Variants in PCDHGB6 observed in about 807,000 individuals in gnomAD.
The protein encoded by PCDHGB6 is protocadherin gamma subfamily B, 6, also known as protocadherin gamma-B6.
PCDHGB6 carries 51 observed loss-of-function variants against 59.1 expected under a neutral mutation model. The ratio of observed to expected loss-of-function variants is 0.86; its 90% CI spans 0.69 to 1.09. PCDHGB6 has a LOEUF of 1.09. PCDHGB6 is among the 50% of genes least tolerant of loss of function. PCDHGB6 has a pLI of 0.00. For missense variants in PCDHGB6, 1,148 were observed against 1,205.1 expected (o/e 0.95, Z 0.70); for synonymous variants, 466 against 495.1 (o/e 0.94, Z 0.78).
chr5:141,483,833 G>A (rs964111814), intron 1 of PCDHGB6, among the ~76,000 whole-genome samples: 1 of 152,116 alleles, frequency 6.6e-6, no homozygotes, highest in Admixed American at 6.5e-5. Flanking sequence ...CCTAGGTAAG[G>A]ACTTGGTTGA....
At chr5:141,426,448 C>T (rs1289310586) in intron 1 of PCDHGB6, 4 of 307,946 alleles carry the variant, frequency 1.3e-5, no homozygotes, top group Middle Eastern at 1.2e-3. Context: ...GGAGGACATG[C>T]GGCTGCATGT....
chr5:141,418,987 A>AG (rs781016682), intron 1 of PCDHGB6: 1 of 1,613,974 alleles, frequency 6.2e-7, no homozygotes, highest in South Asian at 1.1e-5. Context: ...ACCAAGACTC[A>AG]GGGGAAAATG....
At position 141,410,054 on chromosome 5, in the gene PCDHGB6, A is replaced by C; in HGVS notation, c.1852A>C (p.Ser618Arg). ...GCAGGCCAGTGAGCCCGGACTCTTC[A>C]GCCTGGGGCTGCGCACTGGGGAGGT... ...VLQASEPGLFSLGLRTGEVRT... is the reference protein window; with the variant it reads ...VLQASEPGLFRLGLRTGEVRT... Residue 618 changes from serine (S) to arginine (R), a missense_variant, in exon 1 of 4, where the codon AGC (serine) becomes CGC (arginine). Physicochemically the swap from Ser to Arg is moderately radical, Grantham distance 110 (BLOSUM62 -1). Transcript: ENST00000520790. 1 of 1,613,064 alleles carries C rather than the reference A, an allele frequency of 6.2e-7. No individual in the cohort carries two copies.
At chr5:141,417,710 TC>T (rs1471403767) in intron 1 of PCDHGB6, 1 of 1,249,228 alleles carries the variant, frequency 8.0e-7, no homozygotes, top group Non-Finnish European at 1.1e-6. Flanking sequence ...ACACAGAGGC[TC>T]CCGGCTGCGC....
intron 1 of PCDHGB6, among the ~76,000 whole-genome samples, chr5:141,449,345 T>C (rs2154562594): frequency 1.3e-5 from 2 of 151,644 alleles, no homozygotes; most frequent in South Asian, 4.2e-4. Context: ...AGTGGCTCAC[T>C]CCTGTAATCC....
chr5:141,478,347 C>T, intron 1 of PCDHGB6: 2 of 1,613,802 alleles, frequency 1.2e-6, no homozygotes, highest in Non-Finnish European at 1.7e-6. Context: ...TCCTTGCACG[C>T]GGACGCCGTG....
In PCDHGB6 at chr5:141,431,320, C is replaced by A. The variant is rs993831541; in HGVS notation, c.2418+20700C>A. ...CCCTCATCGTGCAAAATGGAGCCGA[C>A]GGTAGTAAGTACCCCGAATTGGTGC... On this transcript the variant is annotated intron_variant, in intron 1 of 3. Transcript: ENST00000520790. This position sits in a 1 kb window ranked among gnomAD's most constrained non-coding sequence, Gnocchi z 4.8. 1 of 1,614,102 alleles carries A rather than the reference C, an allele frequency of 6.2e-7. No individual in the cohort carries two copies. The highest frequency in any genetic ancestry group is 1.7e-5 in the Admixed American group (1 of 60,032).
chr5:141,491,723 G>C lies in PCDHGB6; in HGVS notation c.2419-3084G>C. The C allele has an allele frequency of 1.2e-6, 2 of 1,606,770 alleles. No homozygotes were observed. The highest frequency in any genetic ancestry group is 1.7e-6 in the Non-Finnish European group (2 of 1,177,028). On this transcript the variant is annotated intron_variant, in intron 1 of 3. Transcript: ENST00000520790. The surrounding 1 kb of genome is among the most constrained non-coding windows in gnomAD (Gnocchi z 6.9). The stretch of plus-strand genomic sequence containing the variant: ...CAGGTGAGGGGCTCGGCGCCGCCCC[G>C]GGCGACCCCTGGGGGCGGCACTGGA...
chr5:141,457,168 C>T (rs10072917), intron 1 of PCDHGB6, among the ~76,000 whole-genome samples: 42,426 of 152,004 alleles, frequency 0.28, 6,644 homozygotes, highest in African/African-American at 0.43. Context: ...ATGGATAACC[C>T]TATTGCAAAT....
rs752088903 is a variant in PCDHGB6, at chr5:141,490,784, G to A, written c.2419-4023G>A. The A allele has an allele frequency of 1.7e-5, 27 of 1,613,906 alleles. No individual in the cohort carries two copies. The highest frequency in any genetic ancestry group is 1.2e-4 in the African/African-American group (9 of 74,922). The stretch of plus-strand genomic sequence containing the variant: ...GTGTATGTCAACCCAGAGGATGGAC[G>A]GATCTTTGCCCAGCGTACCTTTGAC... On this transcript the variant is annotated intron_variant, in intron 1 of 3. Transcript: ENST00000520790. This position sits in a 1 kb window ranked among gnomAD's most constrained non-coding sequence, Gnocchi z 5.4.
At chr5:141,414,622 C>T in intron 1 of PCDHGB6, 1 of 1,613,956 alleles carries the variant, frequency 6.2e-7, no homozygotes. Context: ...AGCGCTGGAC[C>T]CGGACAGCAA....
At chr5:141,448,394 T>C (rs1360417681) in intron 1 of PCDHGB6, among the ~76,000 whole-genome samples, 1 of 152,206 alleles carries the variant, frequency 6.6e-6, no homozygotes. Context: ...TACATTTACA[T>C]GGTTTTAAAA....
chr5:141,465,251 A>T (rs1436627558), intron 1 of PCDHGB6, among the ~76,000 whole-genome samples: 1 of 152,214 alleles, frequency 6.6e-6, no homozygotes, highest in Non-Finnish European at 1.5e-5. Flanking sequence ...GCACTTTTGT[A>T]AGCAATGATA....
intron 2 of PCDHGB6, among the ~76,000 whole-genome samples, chr5:141,502,866 C>CTTTTTCTT (rs2099816520): frequency 1.6e-5 from 2 of 128,030 alleles, no homozygotes; most frequent in African/African-American, 6.2e-5. Flanking sequence ...GACTCTCTGT[C>CTTTTTCTT]TTTTTTTTTT....
rs967535805 is a variant in PCDHGB6 at position 141,490,206 on chromosome 5, C to T, written c.2419-4601C>T. 2.4e-5 allele frequency: 38 copies of T among 1,614,050 alleles called. No homozygotes were observed. In the Admixed American group the frequency reaches 5.0e-4, roughly 21 times the overall value. ...GTTTCTATGAAATTCATGCAAGAGCCCGTGACCAGGGACAGCCTGCCATGG... is the reference window on the plus strand; with the variant it reads ...GTTTCTATGAAATTCATGCAAGAGCTCGTGACCAGGGACAGCCTGCCATGG... On this transcript the variant is annotated intron_variant, in intron 1 of 3. Coordinates refer to ENST00000520790, the MANE Select transcript of PCDHGB6 (RefSeq NM_018926.3). This position sits in a 1 kb window ranked among gnomAD's most constrained non-coding sequence, Gnocchi z 5.4.
At chr5:141,445,294 T>G (rs1012635904) in intron 1 of PCDHGB6, among the ~76,000 whole-genome samples, 2 of 152,238 alleles carry the variant, frequency 1.3e-5, no homozygotes. Flanking sequence ...CAGGCTTCCA[T>G]TCTCTTCAGT....
At chr5:141,419,151 C>A in intron 1 of PCDHGB6, 1 of 1,613,918 alleles carries the variant, frequency 6.2e-7, no homozygotes. Context: ...GGCAAGCCTC[C>A]GTTATCCTCC....
At position 141,430,830 on chromosome 5, in the gene PCDHGB6, G is replaced by A. The variant is rs754181300; in HGVS notation, c.2418+20210G>A. The stretch of plus-strand genomic sequence containing the variant: ...CTGGGAATCCTCCTGGGGACTCTGT[G>A]GGAGACCGGATGCACCCAGATACGC... On this transcript the variant is annotated intron_variant, in intron 1 of 3. Coordinates refer to ENST00000520790, the MANE Select transcript of PCDHGB6 (RefSeq NM_018926.3). 8 of 1,554,850 alleles carry A rather than the reference G, an allele frequency of 5.1e-6. No homozygotes were observed. The East Asian group carries it at 1.6e-4, about 31-fold the overall frequency.
intron 1 of PCDHGB6, among the ~76,000 whole-genome samples, chr5:141,453,492 G>T (rs1046043468): frequency 6.6e-6 from 1 of 152,000 alleles, no homozygotes; most frequent in Non-Finnish European, 1.5e-5. Flanking sequence ...AAAAAAAGGT[G>T]TACTCAGAAA....
Sources: gnomAD v4.1 joint callset for allele counts (sites outside exome capture counted in the v4.1 genomes callset) on GRCh38, gnomAD v4.1.1 for gene constraint, Gnocchi (gnomAD v3.1) non-coding constraint, MANE v1.5 for transcripts, NCBI Gene and HGNC (gene_info 2026-07-23, HGNC 2026-07-21) for gene names.